The following MIA2 variants were observed in gnomAD, a reference collection of about 807,000 sequenced individuals.
MIA2 encodes MIA SH3 domain ER export factor 2, also known as melanoma inhibitory activity protein 2.
In MIA2, 127 loss-of-function variants were observed where a neutral mutation model predicts 167.8. The observed-to-expected ratio is 0.76, with a 90% CI of 0.66 to 0.88. The LOEUF is 0.88. Among genes scored for constraint, MIA2 ranks in the 40% least tolerant of loss-of-function variants. MIA2 has a pLI of 0.00. For synonymous variants in MIA2, 552 were observed against 541.9 expected, an observed-to-expected ratio of 1.02 and a Z score of -0.26; for missense variants, 1,690 against 1,624.7, an observed-to-expected ratio of 1.04 and a Z score of -0.69.
chr14:39,354,629 C>G (rs1028429731), downstream of MIA2, among the ~76,000 whole-genome samples: 2 of 152,114 alleles, frequency 1.3e-5, no homozygotes, highest in Admixed American at 6.5e-5. Context: ...ACATGAGATC[C>G]TTGCCCATGC....
chr14:39,261,665 T>C lies in MIA2; in HGVS notation c.1887+8494T>C, dbSNP rs1302670932. The stretch of plus-strand genomic sequence containing the variant: ...CTCCAGCACCTGTTGTTTCCTGACT[T>C]TTTAATGATCACCATTTTAACTGGT... On this transcript the variant is annotated intron_variant, in intron 6 of 28. Coordinates refer to ENST00000640607, the MANE Select transcript of MIA2 (RefSeq NM_001329214.4). 4.6e-5 allele frequency among the ~76,000 whole-genome samples: 7 copies of C among 152,196 alleles called. No homozygotes were observed. In the South Asian group the frequency reaches 1.4e-3, roughly 32 times the overall value.
rs890213682 is a variant in MIA2, at chr14:39,338,133, C to T, written c.3656-7771C>T. ...TGGGTATGACTGTAAAGGGGTGGCA[C>T]GAGGGAGGTGTTTTTGGTGGCACAA... On this transcript the variant is annotated intron_variant, in intron 25 of 28. Coordinates refer to ENST00000640607, the MANE Select transcript of MIA2 (RefSeq NM_001329214.4). 7.9e-5 allele frequency among the ~76,000 whole-genome samples: 12 copies of T among 151,924 alleles called. 1 individual carries two copies. The highest frequency in any genetic ancestry group is 6.2e-4 in the South Asian group (3 of 4,818).
intron 24 of MIA2, among the ~76,000 whole-genome samples, chr14:39,325,657 G>A (rs780931323): frequency 9.9e-5 from 15 of 151,440 alleles, no homozygotes; most frequent in East Asian, 2.0e-4. Flanking sequence ...GTGAGCCACC[G>A]CGCCTGGCCA....
chr14:39,298,530 G>GTTTTGTTTTTTTTTTTT (rs2061832220), intron 13 of MIA2, among the ~76,000 whole-genome samples: 16 of 26,178 alleles, frequency 6.1e-4, no homozygotes, highest in Non-Finnish European at 9.3e-4. Flanking sequence ...GTAGAACAGA[G>GTTTTGTTTTTTTTTTTT]TTTTTTTTTT....
intron 23 of MIA2, among the ~76,000 whole-genome samples, chr14:39,357,750 G>A (rs1419393619): frequency 6.6e-6 from 1 of 152,098 alleles, no homozygotes; most frequent in Non-Finnish European, 1.5e-5. Flanking sequence ...CAGGCCTGGT[G>A]GTGACAAAAT....
At chr14:39,266,581 A>C in intron 6 of MIA2, 1 of 985,496 alleles carries the variant, frequency 1.0e-6, no homozygotes, top group Non-Finnish European at 1.2e-6. Context: ...TTAAACTCTG[A>C]CCAAACCACA....
intron 10 of MIA2, among the ~76,000 whole-genome samples, chr14:39,291,956 A>G (rs937015326): frequency 1.4e-4 from 21 of 152,306 alleles, no homozygotes; most frequent in Middle Eastern, 3.4e-3. Context: ...TGTACCTTTG[A>G]TAAGCGTCTA....
intron 6 of MIA2, among the ~76,000 whole-genome samples, chr14:39,272,345 C>G (rs1231344272): frequency 6.6e-6 from 1 of 151,728 alleles, no homozygotes; most frequent in African/African-American, 2.4e-5. Flanking sequence ...GGGCGAGACT[C>G]CATCCCAAAA....
chr14:39,257,898 G>A (rs1051614918), intron 6 of MIA2, among the ~76,000 whole-genome samples: 4 of 152,204 alleles, frequency 2.6e-5, no homozygotes, highest in Non-Finnish European at 4.4e-5. Flanking sequence ...CTTTAAGAAT[G>A]TTGAATATTG....
At chr14:39,315,768 T>TC (rs1291241571) in intron 21 of MIA2, 50 bp downstream of exon 21, 2 of 1,220,608 alleles carry the variant, frequency 1.6e-6, no homozygotes, top group Non-Finnish European at 2.3e-6. Flanking sequence ...TATGTTTTTT[T>TC]CAGAAGATAC....
intron 9 of MIA2, among the ~76,000 whole-genome samples, chr14:39,288,778 C>T (rs756548825): frequency 4.0e-5 from 6 of 151,830 alleles, no homozygotes; most frequent in Non-Finnish European, 5.9e-5. Context: ...TATATTAAAC[C>T]GGCTTTGCAT....
chr14:39,290,995 A>C (rs745593334), intron 9 of MIA2, 24 bp from the exon 10 acceptor site: 51 of 1,584,882 alleles, frequency 3.2e-5, no homozygotes, highest in Non-Finnish European at 4.4e-5. Context: ...TAGAGTTTTT[A>C]CTTGTGATGT....
intron 16 of MIA2, among the ~76,000 whole-genome samples, chr14:39,303,846 C>A (rs1055128316): frequency 1.3e-5 from 2 of 151,944 alleles, no homozygotes; most frequent in African/African-American, 2.4e-5. Context: ...TATTTTCTTA[C>A]CCCTTCTGCC....
At chr14:39,318,138 T>C in intron 22 of MIA2, 127 bp downstream of exon 22, 1 of 644,824 alleles carries the variant, frequency 1.6e-6, no homozygotes, top group Non-Finnish European at 2.6e-6. Context: ...TATCTATTAG[T>C]TTTACTAGGA....
intron 4 of MIA2, among the ~76,000 whole-genome samples, chr14:39,250,243 A>G (rs1213234106): frequency 6.6e-6 from 1 of 152,238 alleles, no homozygotes; most frequent in African/African-American, 2.4e-5. Context: ...CTCAAGGAAT[A>G]CAAAAGGATT....
chr14:39,318,482 A>C (rs1566902770), intron 22 of MIA2, among the ~76,000 whole-genome samples: 1 of 152,306 alleles, frequency 6.6e-6, no homozygotes, highest in Middle Eastern at 3.4e-3. Flanking sequence ...AGCAGGGAAG[A>C]ATAAGTGCTT....
intron 3 of MIA2, among the ~76,000 whole-genome samples, chr14:39,244,646 C>T (rs181425120): frequency 1.9e-3 from 285 of 152,212 alleles, no homozygotes; most frequent in African/African-American, 6.3e-3. Flanking sequence ...CTATTTCTAA[C>T]ATTCAGATTA....
intron 9 of MIA2, among the ~76,000 whole-genome samples, chr14:39,287,157 T>C (rs1274275054): frequency 1.3e-5 from 2 of 152,128 alleles, no homozygotes; most frequent in African/African-American, 4.8e-5. Context: ...CACTGCAGCC[T>C]CAGCCTCCCG....
At chr14:39,267,356 G>T in intron 6 of MIA2, 1 of 1,580,494 alleles carries the variant, frequency 6.3e-7, no homozygotes, top group Non-Finnish European at 8.6e-7. Flanking sequence ...CGGTTGCCGG[G>T]TGCGGATTCG....
Sources: allele counts gnomAD v4.1 joint callset (sites outside exome capture counted in the v4.1 genomes callset), GRCh38; gene constraint gnomAD v4.1.1; transcripts MANE v1.5; gene names NCBI Gene and HGNC (gene_info 2026-07-23, HGNC 2026-07-21).